Variants in FREM2 observed in about 807,000 individuals in gnomAD.
FREM2 encodes the protein FRAS1 related extracellular matrix 2.
A neutral mutation model predicts 219.9 loss-of-function variants in FREM2; 119 were observed. The observed-to-expected ratio is 0.54, with a 90% CI of 0.47 to 0.63. FREM2 has a LOEUF of 0.63. FREM2 is among the 30% of genes least tolerant of loss of function. FREM2 has a pLI of 0.00. For missense variants in FREM2, 4,030 were observed against 3,993.6 expected, an observed-to-expected ratio of 1.01 and a Z score of -0.25; for synonymous variants, 1,562 against 1,522.8, an observed-to-expected ratio of 1.03 and a Z score of -0.60.
intron 6 of FREM2, among the ~76,000 whole-genome samples, chr13:38,799,805 G>T (rs1260747647): frequency 6.6e-6 from 1 of 151,086 alleles, no homozygotes. Context: ...TTTTATTTTG[G>T]TTTCCATTTG....
At chr13:38,774,356 A>G (rs1873790460) in intron 4 of FREM2, among the ~76,000 whole-genome samples, 3 of 152,212 alleles carry the variant, frequency 2.0e-5, no homozygotes, top group Admixed American at 2.0e-4. Flanking sequence ...TATGCCAGGA[A>G]TGCTGCTAGG....
At chr13:38,710,626 G>C (rs1481784809) in intron 2 of FREM2, among the ~76,000 whole-genome samples, 1 of 152,168 alleles carries the variant, frequency 6.6e-6, no homozygotes, top group African/African-American at 2.4e-5. Flanking sequence ...TCATATTTAT[G>C]TCTCTTCTTC....
At chr13:38,786,536 A>T (rs1874336685) in intron 6 of FREM2, among the ~76,000 whole-genome samples, 1 of 152,196 alleles carries the variant, frequency 6.6e-6, no homozygotes, top group Admixed American at 6.5e-5. Context: ...AATATTTTGA[A>T]TATCATTTCA....
At position 38,690,068 on chromosome 13, in the gene FREM2, G is replaced by A; in HGVS notation, c.2724G>A (p.Lys908=). 1 of 1,614,022 alleles carries A rather than the reference G, an allele frequency of 6.2e-7. No homozygotes were observed. Among genetic ancestry groups the A allele is most frequent in the South Asian group, 1.1e-5 (1 of 91,078 alleles). Residue 908 remains lysine (K), a synonymous_variant, in exon 1 of 24, where the codon AAG becomes AAA. Coordinates refer to ENST00000280481, the MANE Select transcript of FREM2 (RefSeq NM_207361.6). Reference sequence around the variant, plus strand: ...TTTCCTATGCCCATAATGGGGACAAGTCCCTGACTGATAGCTGCTCCTTGG... The same window carrying A: ...TTTCCTATGCCCATAATGGGGACAAATCCCTGACTGATAGCTGCTCCTTGG... The part of the protein sequence containing the change: ...GRVSYAHNGD[K]SLTDSCSLEV...
At chr13:38,755,060 AC>A (rs1204163825) in intron 2 of FREM2, among the ~76,000 whole-genome samples, 1 of 151,664 alleles carries the variant, frequency 6.6e-6, no homozygotes, top group African/African-American at 2.4e-5. Context: ...GCACCATCAC[AC>A]CCGGCTAATT....
In FREM2 at chr13:38,857,873, A is replaced by T; in HGVS notation, c.7057-2A>T. The T allele has an allele frequency of 6.2e-7, 1 of 1,611,982 alleles. No individual in the cohort carries two copies. Among genetic ancestry groups the T allele is most frequent in the Non-Finnish European group, 8.5e-7 (1 of 1,178,070 alleles). ...TCAGTGATAATTGTCTTTTCCTTCT[A>T]GTTGACGAAAGCCATTGTGTACATA... is the stretch of plus-strand genomic sequence containing the variant. On this transcript the variant is annotated splice_acceptor_variant, in intron 12 of 23. Coordinates refer to ENST00000280481, the MANE Select transcript of FREM2 (RefSeq NM_207361.6). LOFTEE classifies it high-confidence loss of function.
At chr13:38,853,075 C>G (rs1877430893) in intron 11 of FREM2, among the ~76,000 whole-genome samples, 1 of 151,966 alleles carries the variant, frequency 6.6e-6, no homozygotes, top group Non-Finnish European at 1.5e-5. Context: ...CACCTGTAAT[C>G]CCAGCACTTT....
At chr13:38,879,368 T>C (rs1158815142) in intron 23 of FREM2, among the ~76,000 whole-genome samples, 1 of 151,430 alleles carries the variant, frequency 6.6e-6, no homozygotes, top group African/African-American at 2.5e-5. Context: ...CACCAATATC[T>C]TAATTAGAGT....
intron 6 of FREM2, among the ~76,000 whole-genome samples, chr13:38,790,638 A>C (rs1349400008): frequency 6.6e-6 from 1 of 152,170 alleles, no homozygotes; most frequent in Admixed American, 6.5e-5. Flanking sequence ...ACCATGGCTG[A>C]GTCAAAGATG....
rs370472338 is a variant in FREM2, at chr13:38,690,964, T to C, written c.3620T>C (p.Val1207Ala). The change falls in exon 1 of 24, where the codon GTA becomes GCA. Residue 1207 changes from valine (V) to alanine (A), a missense_variant. Val to Ala is a moderately conservative substitution (Grantham distance 64, BLOSUM62 0). Around this residue, in one of 2 missense-constraint regions of FREM2, gnomAD observed 3,102 missense variants for 2,950.7 expected, o/e 1.05. Coordinates refer to ENST00000280481, the MANE Select transcript of FREM2 (RefSeq NM_207361.6). Reference sequence around the variant, plus strand: ...ATGGTGATGGAAGGCATGAGTCTGGTAATTGATACACCCATTCTCAATGCT... The same window carrying C: ...ATGGTGATGGAAGGCATGAGTCTGGCAATTGATACACCCATTCTCAATGCT... Reference protein sequence around the residue: ...EFMVMEGMSLVIDTPILNAAD... With the variant: ...EFMVMEGMSLAIDTPILNAAD... 1.2e-6 allele frequency: 2 copies of C among 1,614,160 alleles called. No homozygotes were observed. The highest frequency in any genetic ancestry group is 1.7e-6 in the Non-Finnish European group (2 of 1,179,992).
chr13:38,740,280 T>G (rs1015465662), intron 2 of FREM2, among the ~76,000 whole-genome samples: 1 of 152,216 alleles, frequency 6.6e-6, no homozygotes, highest in Admixed American at 6.5e-5. Flanking sequence ...TATACTGTAT[T>G]TTCATGTTCG....
At chr13:38,761,972 G>T (rs763649508) in intron 2 of FREM2, among the ~76,000 whole-genome samples, 1 of 152,228 alleles carries the variant, frequency 6.6e-6, no homozygotes, top group Non-Finnish European at 1.5e-5. Flanking sequence ...GTAGGCAAGA[G>T]GGGCAAAGGA....
chr13:38,728,403 C>T (rs187077618), intron 2 of FREM2, among the ~76,000 whole-genome samples: 5 of 152,030 alleles, frequency 3.3e-5, no homozygotes, highest in Non-Finnish European at 7.4e-5. Context: ...TAGGGATCCC[C>T]ACACTATTAT....
intron 21 of FREM2, among the ~76,000 whole-genome samples, 168 bp downstream of exon 21, chr13:38,877,411 G>T (rs546716177): frequency 1.3e-5 from 2 of 152,242 alleles, no homozygotes; most frequent in East Asian, 3.9e-4. Flanking sequence ...TTGCGATTGG[G>T]TATATGTAAC....
intron 6 of FREM2, among the ~76,000 whole-genome samples, chr13:38,823,594 G>T (rs1355291488): frequency 1.3e-5 from 2 of 151,922 alleles, no homozygotes; most frequent in Non-Finnish European, 2.9e-5. Context: ...TCTACTTGAA[G>T]AAAAATTCTC....
intron 16 of FREM2, 115 bp downstream of exon 16, chr13:38,864,721 T>A: frequency 1.1e-6 from 1 of 908,622 alleles, no homozygotes; most frequent in Non-Finnish European, 1.8e-6. Flanking sequence ...TGTAGGTAAT[T>A]ATTGACAGCA....
At chr13:38,828,527 G>A (rs566665580) in intron 6 of FREM2, among the ~76,000 whole-genome samples, 65 of 152,064 alleles carry the variant, frequency 4.3e-4, no homozygotes, top group African/African-American at 1.5e-3. Flanking sequence ...GGGCAATATA[G>A]AGAGACCCCA....
At chr13:38,765,944 T>C (rs1873417473) in intron 3 of FREM2, among the ~76,000 whole-genome samples, 1 of 152,234 alleles carries the variant, frequency 6.6e-6, no homozygotes, top group Non-Finnish European at 1.5e-5. Context: ...ATATTCTCTG[T>C]GCACATGTGC....
At chr13:38,739,814 G>T (rs1872166268) in intron 2 of FREM2, among the ~76,000 whole-genome samples, 2 of 152,120 alleles carry the variant, frequency 1.3e-5, no homozygotes, top group South Asian at 4.1e-4. Context: ...ATTGGAATTT[G>T]TTTTACTGAT....
Sources: allele counts gnomAD v4.1 joint callset (sites outside exome capture counted in the v4.1 genomes callset), GRCh38; gene constraint gnomAD v4.1.1; regional missense constraint gnomAD v4.1.1; transcripts MANE v1.5; gene names NCBI Gene and HGNC (gene_info 2026-07-23, HGNC 2026-07-21).